FLAD1: variants seen among roughly 807,000 people sequenced by gnomAD.
The protein encoded by FLAD1 is flavin adenine dinucleotide synthetase 1.
FLAD1 carries 35 observed loss-of-function variants against 55.0 expected under a neutral mutation model. The observed-to-expected ratio is 0.64, with a 90% CI of 0.49 to 0.84. The LOEUF (loss-of-function observed/expected upper bound fraction) is 0.84. Among genes scored for constraint, FLAD1 ranks in the 40% least tolerant of loss-of-function variants. The pLI is 0.00. For missense variants in FLAD1, 665 were observed against 742.6 expected, an observed-to-expected ratio of 0.90 and a Z score of 1.21; for synonymous variants, 267 against 303.0, an observed-to-expected ratio of 0.88 and a Z score of 1.23.
At chr1:154,984,742 C>G (rs1312810332) in intron 1 of FLAD1, among the ~76,000 whole-genome samples, 1 of 151,182 alleles carries the variant, frequency 6.6e-6, no homozygotes, top group Non-Finnish European at 1.5e-5. Flanking sequence ...TTTTACCCAG[C>G]CTTTTTGGAA....
Position 154,988,426 on chromosome 1 carries a change from G to A in FLAD1, c.694G>A (p.Gly232Ser), listed in dbSNP as rs757970182. 5 of 1,614,240 alleles carry A rather than the reference G, an allele frequency of 3.1e-6. No individual in the cohort carries two copies. The highest frequency in any genetic ancestry group is 4.2e-6 in the Non-Finnish European group (5 of 1,180,040). Residue 232 changes from glycine (G) to serine (S), a missense_variant, in exon 2 of 7, where the codon GGC becomes AGC. By Grantham distance (56) the Gly-to-Ser change is moderately conservative (BLOSUM62 0). Transcript: ENST00000292180. ...GCCCTCCTCTGCCCGCCTGCATTAT[G>A]GCACAGATCCTTGCACTGGTCAACC... is the stretch of plus-strand genomic sequence containing the variant. ...LVPSSARLHY[G>S]TDPCTGQPFR...
Position 154,984,041 on chromosome 1 carries a change from T to C in FLAD1, c.347T>C (p.Ile116Thr), listed in dbSNP as rs756598623. The C allele has an allele frequency of 3.3e-6, 5 of 1,511,532 alleles. No individual in the cohort carries two copies. In the African/African-American group the frequency reaches 7.0e-5, roughly 21 times the overall value. 93.6% of individuals were successfully genotyped at this position (1,511,532 alleles called of 1,614,324 possible). The change falls in exon 1 of 7, where the codon ATC (isoleucine) becomes ACC (threonine). Residue 116 changes from isoleucine to threonine, a missense_variant. Coordinates refer to ENST00000292180, the MANE Select transcript of FLAD1 (RefSeq NM_025207.5). The part of the protein sequence containing the change: ...SPGRSVTAGI[I>T]IVGDEILKGH... Reference sequence around the variant, plus strand: ...GGGCGCAGCGTGACGGCTGGCATCATCATTGTTGGAGATGAGATCCTTAAG... The same window carrying C: ...GGGCGCAGCGTGACGGCTGGCATCACCATTGTTGGAGATGAGATCCTTAAG...
chr1:154,984,517 G>A (rs1657475210), intron 1 of FLAD1, among the ~76,000 whole-genome samples: 1 of 151,880 alleles, frequency 6.6e-6, no homozygotes, highest in Admixed American at 6.6e-5. Flanking sequence ...TTCGAGACCA[G>A]CCTCAACATG....
rs750853103 is a variant in FLAD1, at chr1:154,988,098, C to CGT, written c.373-7_373-6insGT. On this transcript the variant is annotated splice_polypyrimidine_tract_variant and splice_region_variant and intron_variant, in intron 1 of 6. Coordinates refer to ENST00000292180, the MANE Select transcript of FLAD1 (RefSeq NM_025207.5). ...CTGATGGCCTCATCTTCCCCTTCAA[C>CGT]CCCCAGGGACACACTCAGGACACCA... 5 of 1,614,200 alleles carry CGT rather than the reference C, an allele frequency of 3.1e-6. 1 individual carries two copies. In the South Asian group the frequency reaches 5.5e-5, roughly 18 times the overall value.
chr1:154,989,730 A>G, intron 3 of FLAD1, 23 bp downstream of exon 3: 1 of 1,493,080 alleles, frequency 6.7e-7, no homozygotes, highest in Non-Finnish European at 8.9e-7. Context: ...CCGGGAGACA[A>G]GACCCCTGAT....
chr1:154,989,756 C>A, intron 3 of FLAD1, 49 bp downstream of exon 3: 2 of 1,473,870 alleles, frequency 1.4e-6, no homozygotes, highest in South Asian at 3.0e-5. Context: ...TCTCCAGTTC[C>A]ACATCCCAGA....
intron 1 of FLAD1, 101 bp downstream of exon 1, chr1:154,984,167 C>A: frequency 9.1e-7 from 1 of 1,094,184 alleles, no homozygotes; most frequent in Non-Finnish European, 1.2e-6. Context: ...GGGTGGGAGC[C>A]TCTTTGCTGC....
chr1:154,988,930 G>A (rs1163791616), intron 2 of FLAD1, 81 bp downstream of exon 2: 1 of 1,585,254 alleles, frequency 6.3e-7, no homozygotes. Context: ...GGGCTGTTGG[G>A]TGCTTCCTGC....
At chr1:154,986,017 G>A (rs955623296) in intron 1 of FLAD1, among the ~76,000 whole-genome samples, 2 of 130,776 alleles carry the variant, frequency 1.5e-5, no homozygotes, top group African/African-American at 3.2e-5. Flanking sequence ...CACTGCGCCC[G>A]GCTGTGTGTG....
At chr1:154,987,989 G>C in intron 1 of FLAD1, 116 bp from the exon 2 acceptor site, 1 of 1,577,352 alleles carries the variant, frequency 6.3e-7, no homozygotes, top group Non-Finnish European at 8.6e-7. Flanking sequence ...GCAGCCTGAG[G>C]TGGTGTCCTT....
chr1:154,991,255 TACACAC>T (rs531522286), intron 5 of FLAD1: 1 of 136,478 alleles, frequency 7.3e-6, no homozygotes, highest in Non-Finnish European at 1.6e-5. Context: ...TATATATATA[TACACAC>T]ACACATACAC....
rs1327709747 is a variant in FLAD1 at position 154,990,267 on chromosome 1, G to T, written c.1364+10G>T. 6.8e-6 allele frequency: 11 copies of T among 1,613,586 alleles called. No homozygotes were observed. Among genetic ancestry groups the T allele is most frequent in the Non-Finnish European group, 9.3e-6 (11 of 1,179,498 alleles). ...AGGACACTATCAAGAGGTACTAGGGGCCTGGAGGTTTGGGCTCCAAGAGAA... is the reference window on the plus strand; with the variant it reads ...AGGACACTATCAAGAGGTACTAGGGTCCTGGAGGTTTGGGCTCCAAGAGAA... On this transcript the variant is annotated intron_variant, in intron 4 of 6. Transcript: ENST00000292180.
chr1:154,986,543 G>C (rs1051615016), intron 1 of FLAD1, among the ~76,000 whole-genome samples: 5 of 152,014 alleles, frequency 3.3e-5, no homozygotes, highest in Admixed American at 3.3e-4. Flanking sequence ...CCACGAAGTT[G>C]GCACTTTTTT....
Position 154,984,479 on chromosome 1 carries a change from C to T in FLAD1, c.372+413C>T, listed in dbSNP as rs1304250839. On this transcript the variant is annotated intron_variant, in intron 1 of 6. Transcript: ENST00000292180. ...ATGTAATCCCAGCACTTTGGGAGGC[C>T]GAGGCGGGTGGATCACGAGTTCAGG... is the stretch of plus-strand genomic sequence containing the variant. Among the ~76,000 whole-genome samples the T allele has an allele frequency of 2.0e-5, 3 of 151,742 alleles. No individual in the cohort carries two copies. The East Asian group carries it at 5.8e-4, about 29-fold the overall frequency.
intron 1 of FLAD1, among the ~76,000 whole-genome samples, chr1:154,985,068 A>G (rs1265717967): frequency 7.9e-6 from 1 of 126,860 alleles, no homozygotes; most frequent in Non-Finnish European, 1.6e-5. Context: ...TTTTTTTCAG[A>G]AACGGTCTCA....
chr1:154,992,799 G>C lies in FLAD1; in HGVS notation c.1628+13G>C, dbSNP rs1275191113. The C allele has an allele frequency of 3.1e-6, 5 of 1,614,068 alleles. No homozygotes were observed. The African/African-American group carries it at 6.7e-5, about 22-fold the overall frequency. On this transcript the variant is annotated intron_variant, in intron 6 of 6. Transcript: ENST00000292180. Reference sequence around the variant, plus strand: ...TGTATGACCGAGGGTAAGGGTATTAGGGGAAGGGAATGGGTAAGGGAGTTT... The same window carrying C: ...TGTATGACCGAGGGTAAGGGTATTACGGGAAGGGAATGGGTAAGGGAGTTT...
chr1:154,986,704 CTT>C (rs776649473), intron 1 of FLAD1, among the ~76,000 whole-genome samples: 9 of 91,698 alleles, frequency 9.8e-5, no homozygotes, highest in African/African-American at 3.0e-4. Context: ...GCCCCCCACC[CTT>C]TTTTTTTTTT....
chr1:154,990,735 C>A, intron 5 of FLAD1: 1 of 504,254 alleles, frequency 2.0e-6, no homozygotes, highest in Non-Finnish European at 3.5e-6. Context: ...GCACTTCCTA[C>A]TGTGGATAGA....
At chr1:154,989,184 G>A (rs1657755225) in intron 2 of FLAD1, among the ~76,000 whole-genome samples, 1 of 152,142 alleles carries the variant, frequency 6.6e-6, no homozygotes, top group African/African-American at 2.4e-5. Flanking sequence ...TTGATCTGGG[G>A]TCAGAGAAGG....
Sources: gnomAD v4.1 joint callset for allele counts (sites outside exome capture counted in the v4.1 genomes callset) on GRCh38, gnomAD v4.1.1 for gene constraint, MANE v1.5 for transcripts, NCBI Gene and HGNC (gene_info 2026-07-23, HGNC 2026-07-21) for gene names.